The following MSL2 variants were observed in gnomAD, a reference collection of about 807,000 sequenced individuals.
MSL2 encodes the protein MSL complex subunit 2.
In MSL2, 2 loss-of-function variants were observed where a neutral mutation model predicts 35.8. That is an observed-to-expected ratio of 0.06 (90% CI 0.02 to 0.18). MSL2 has a LOEUF of 0.18. MSL2 is among the 10% of genes least tolerant of loss of function. The pLI is 1.00. For synonymous variants in MSL2, 296 were observed against 255.7 expected (o/e 1.16, Z -1.50); for missense variants, 523 against 706.7 (o/e 0.74, Z 2.95).
At chr3:136,165,987 A>G (rs1423513923) in intron 1 of MSL2, among the ~76,000 whole-genome samples, 2 of 150,510 alleles carry the variant, frequency 1.3e-5, no homozygotes, top group African/African-American at 4.9e-5. Flanking sequence ...CAAAACATTT[A>G]ATGTACCCCA....
Position 136,195,769 on chromosome 3 carries a change from G to C in MSL2, c.-656C>G. ...TGCGCCCTGGCTCTCCGCCCCGTGG[G>C]TTGCAGCCCGCAGTTCCCCGAGGTG... On this transcript the variant is annotated 5_prime_UTR_variant, in exon 1 of 2. Coordinates refer to ENST00000309993, the MANE Select transcript of MSL2 (RefSeq NM_018133.4). The C allele has an allele frequency of 1.0e-6, 1 of 985,010 alleles. No homozygotes were observed. The highest frequency in any genetic ancestry group is 1.2e-6 in the Non-Finnish European group (1 of 829,812). 61.0% of individuals were successfully genotyped at this position (985,010 alleles called of 1,614,324 possible).
At chr3:136,184,544 A>G (rs2108090285) in intron 1 of MSL2, among the ~76,000 whole-genome samples, 1 of 152,128 alleles carries the variant, frequency 6.6e-6, no homozygotes, top group South Asian at 2.1e-4. Flanking sequence ...CGGAGGTTGC[A>G]GCGAGCCGAG....
intron 1 of MSL2, among the ~76,000 whole-genome samples, chr3:136,177,791 T>C (rs1485082530): frequency 2.6e-5 from 4 of 151,964 alleles, no homozygotes; most frequent in Non-Finnish European, 4.4e-5. Flanking sequence ...AATACCATTA[T>C]ATTTGAGAGA....
chr3:136,157,670 T>C (rs181350747), intron 1 of MSL2, among the ~76,000 whole-genome samples: 338 of 152,248 alleles, frequency 2.2e-3, no homozygotes, highest in Non-Finnish European at 3.9e-3. Flanking sequence ...AGTCAGAGTA[T>C]CACTAGTGCC....
At chr3:136,163,132 G>A (rs1013791091) in intron 1 of MSL2, among the ~76,000 whole-genome samples, 3 of 152,064 alleles carry the variant, frequency 2.0e-5, no homozygotes, top group African/African-American at 7.2e-5. Flanking sequence ...GGTGGTGGGC[G>A]CCTGTAATCC....
chr3:136,179,197 T>C (rs574437772), intron 1 of MSL2, among the ~76,000 whole-genome samples: 2 of 152,026 alleles, frequency 1.3e-5, no homozygotes, highest in Non-Finnish European at 2.9e-5. Context: ...CACTTTTTTC[T>C]TTTTTAAAGA....
At chr3:136,158,289 G>A (rs1313845650) in intron 1 of MSL2, among the ~76,000 whole-genome samples, 13 of 150,268 alleles carry the variant, frequency 8.7e-5, no homozygotes, top group Non-Finnish European at 1.8e-4. Context: ...TCCAGCCTGG[G>A]CAACTAAATC....
chr3:136,154,534 A>G (rs1939461673), intron 1 of MSL2, among the ~76,000 whole-genome samples: 1 of 152,140 alleles, frequency 6.6e-6, no homozygotes, highest in Admixed American at 6.5e-5. Context: ...CACACAAAGA[A>G]TATGTTCAAC....
chr3:136,185,864 A>G (rs945482272), intron 1 of MSL2, among the ~76,000 whole-genome samples: 7 of 152,146 alleles, frequency 4.6e-5, no homozygotes, highest in Admixed American at 1.3e-4. Flanking sequence ...GCAAAATTTT[A>G]TCAAAGGCTT....
At chr3:136,175,613 G>A (rs1218306788) in intron 1 of MSL2, among the ~76,000 whole-genome samples, 1 of 152,062 alleles carries the variant, frequency 6.6e-6, no homozygotes, top group Non-Finnish European at 1.5e-5. Flanking sequence ...TTAGAGTCCA[G>A]GAGTTCGAGG....
chr3:136,178,167 A>G (rs1940235530), intron 1 of MSL2, among the ~76,000 whole-genome samples: 1 of 152,350 alleles, frequency 6.6e-6, no homozygotes, highest in Admixed American at 6.5e-5. Flanking sequence ...AACGCCAGAC[A>G]TCGTTTATCT....
rs562803687 is a variant in MSL2, at chr3:136,195,257, G to A, written c.-144C>T. On this transcript the variant is annotated 5_prime_UTR_variant, in exon 1 of 2. The change creates a new upstream start codon in the 5' untranslated region. Coordinates refer to ENST00000309993, the MANE Select transcript of MSL2 (RefSeq NM_018133.4). Reference sequence around the variant, plus strand: ...TTGGCCAAACAAGTAACCAAAATCCGTGCAAGTTTGTGGAGCTGAAACAAT... The same window carrying A: ...TTGGCCAAACAAGTAACCAAAATCCATGCAAGTTTGTGGAGCTGAAACAAT... 1,085 of 1,475,606 alleles carry A rather than the reference G, an allele frequency of 7.4e-4. No individual in the cohort carries two copies. The highest frequency in any genetic ancestry group is 1.1e-3 in the Admixed American group (42 of 39,096). The allele number at this position is 1,475,606 out of a possible 1,614,324, so 91.4% of individuals were successfully genotyped here. A position where few individuals can be genotyped will look rare whatever the true frequency, so the allele number is the denominator to read the frequency against.
At chr3:136,160,445 A>G (rs1303171353) in intron 1 of MSL2, among the ~76,000 whole-genome samples, 1 of 150,814 alleles carries the variant, frequency 6.6e-6, no homozygotes, top group African/African-American at 2.4e-5. Flanking sequence ...AAAACAATGC[A>G]AGCCAGGCGT....
chr3:136,156,951 T>C (rs1460062446), intron 1 of MSL2, among the ~76,000 whole-genome samples: 1 of 152,236 alleles, frequency 6.6e-6, no homozygotes, highest in African/African-American at 2.4e-5. Flanking sequence ...ACAATATATT[T>C]AGTTGTAAAC....
rs1002187205 is a variant in MSL2, at chr3:136,195,913, C to A, written c.-800G>T. On this transcript the variant is annotated 5_prime_UTR_variant, in exon 1 of 2. Coordinates refer to ENST00000309993, the MANE Select transcript of MSL2 (RefSeq NM_018133.4). ...CCGGCCGGGCCGCGGCGGCGCCCCTCGCGCCTCAGTCGCACACTCCGGGGT... is the reference window on the plus strand; with the variant it reads ...CCGGCCGGGCCGCGGCGGCGCCCCTAGCGCCTCAGTCGCACACTCCGGGGT... 11 of 745,764 alleles carry A rather than the reference C, an allele frequency of 1.5e-5. No homozygotes were observed. The highest frequency in any genetic ancestry group is 6.7e-4 in the Middle Eastern group (1 of 1,500). The allele number at this position is 745,764 out of a possible 1,614,324, so 46.2% of individuals were successfully genotyped here.
Position 136,195,520 on chromosome 3 carries a change from G to T in MSL2, c.-407C>A. On this transcript the variant is annotated 5_prime_UTR_variant, in exon 1 of 2. Coordinates refer to ENST00000309993, the MANE Select transcript of MSL2 (RefSeq NM_018133.4). ...TCCTCAAGTCGAGCTGGCAGGCGCGGGAGCAGGCCCCGGCCCCGTCTGAGG... is the reference window on the plus strand; with the variant it reads ...TCCTCAAGTCGAGCTGGCAGGCGCGTGAGCAGGCCCCGGCCCCGTCTGAGG... 1 of 1,012,184 alleles carries T rather than the reference G, an allele frequency of 9.9e-7. No homozygotes were observed. The highest frequency in any genetic ancestry group is 1.2e-6 in the Non-Finnish European group (1 of 847,288). 62.7% of individuals were successfully genotyped at this position (1,012,184 alleles called of 1,614,324 possible).
chr3:136,188,043 A>C (rs912340369), intron 1 of MSL2, among the ~76,000 whole-genome samples: 1 of 152,214 alleles, frequency 6.6e-6, no homozygotes, highest in African/African-American at 2.4e-5. Flanking sequence ...TAACCACTAT[A>C]GGGCAAGGGC....
At chr3:136,182,878 T>C (rs1387613224) in intron 1 of MSL2, among the ~76,000 whole-genome samples, 1 of 152,196 alleles carries the variant, frequency 6.6e-6, no homozygotes, top group African/African-American at 2.4e-5. Flanking sequence ...AGCAGAGTAA[T>C]TCCTCCTTCC....
chr3:136,175,288 G>A (rs1179960931), intron 1 of MSL2, among the ~76,000 whole-genome samples: 1 of 151,456 alleles, frequency 6.6e-6, no homozygotes, highest in South Asian at 2.1e-4. Context: ...AGGTTGCAGT[G>A]AGCCGAGATC....
Sources: gnomAD v4.1 joint callset for allele counts (sites outside exome capture counted in the v4.1 genomes callset) on GRCh38, gnomAD v4.1.1 for gene constraint, MANE v1.5 for transcripts, NCBI Gene and HGNC (gene_info 2026-07-23, HGNC 2026-07-21) for gene names.